Variants in PIP5K1B observed in about 807,000 individuals in gnomAD.
The protein encoded by PIP5K1B is phosphatidylinositol 4-phosphate 5-kinase type-1 beta.
A neutral mutation model predicts 67.0 loss-of-function variants in PIP5K1B; 42 were observed. That is an observed-to-expected ratio of 0.63 (90% CI 0.49 to 0.81). PIP5K1B has a LOEUF of 0.81. Among genes scored for constraint, PIP5K1B ranks in the 30% least tolerant of loss-of-function variants. The pLI, the probability that PIP5K1B is intolerant of heterozygous loss-of-function variation, is 0.00. For synonymous variants in PIP5K1B, 214 were observed against 231.4 expected (o/e 0.92, Z 0.68); for missense variants, 459 against 646.3 (o/e 0.71, Z 3.14).
At position 68,889,051 on chromosome 9, in the gene PIP5K1B, C is replaced by T. The variant is rs1312978266; in HGVS notation, c.389C>T (p.Thr130Ile). ...GCCAGTGGATCCTTGTTTTTTGTGA[C>T]CAGTGATGATGAATTTATCATCAAA... ...PGASGSLFFVTSDDEFIIKTV... is the reference protein window; with the variant it reads ...PGASGSLFFVISDDEFIIKTV... The change falls in exon 7 of 16, where the codon ACC (threonine) becomes ATC (isoleucine). Residue 130 changes from threonine to isoleucine, a missense_variant. Thr to Ile is a moderately conservative substitution (Grantham distance 89). Around this residue, in one of 2 missense-constraint regions of PIP5K1B, gnomAD observed 290 missense variants for 474.4 expected, o/e 0.61. Coordinates refer to ENST00000265382, the MANE Select transcript of PIP5K1B (RefSeq NM_003558.4). The T allele has an allele frequency of 6.2e-7, 1 of 1,611,964 alleles. No homozygotes were observed. Among genetic ancestry groups the T allele is most frequent in the East Asian group, 2.2e-5 (1 of 44,850 alleles).
chr9:68,715,299 G>T (rs1197648492), intron 1 of PIP5K1B, among the ~76,000 whole-genome samples: 1 of 152,120 alleles, frequency 6.6e-6, no homozygotes, highest in Non-Finnish European at 1.5e-5. Flanking sequence ...CTCCCTTTGT[G>T]CCTGGAGTGA....
chr9:68,780,440 G>C (rs774766314), intron 2 of PIP5K1B: 2 of 1,614,104 alleles, frequency 1.2e-6, no homozygotes, highest in Non-Finnish European at 1.7e-6. Flanking sequence ...AACAAGAAGA[G>C]GGCATGGACT....
At chr9:68,989,610 A>G (rs1830270153) in intron 14 of PIP5K1B, among the ~76,000 whole-genome samples, 1 of 152,070 alleles carries the variant, frequency 6.6e-6, no homozygotes, top group African/African-American at 2.4e-5. Context: ...CAGGTTAAAA[A>G]CATAACTTTG....
chr9:68,867,091 A>G (rs1439953902), intron 5 of PIP5K1B, among the ~76,000 whole-genome samples: 1 of 152,178 alleles, frequency 6.6e-6, no homozygotes. Flanking sequence ...CTTTCTATTC[A>G]TTCAAGCAAC....
intron 11 of PIP5K1B, among the ~76,000 whole-genome samples, chr9:68,920,174 C>T (rs1367949834): frequency 2.0e-5 from 3 of 152,142 alleles, no homozygotes; most frequent in Admixed American, 6.5e-5. Flanking sequence ...TATTTGGCCT[C>T]TTACCCTTGT....
chr9:68,812,590 T>C (rs1461041507), intron 2 of PIP5K1B, among the ~76,000 whole-genome samples: 3 of 152,356 alleles, frequency 2.0e-5, no homozygotes, highest in Middle Eastern at 6.8e-3. Context: ...TAGTAACATC[T>C]TCTAAGGAGA....
At chr9:68,975,891 G>A (rs921810584) in intron 14 of PIP5K1B, among the ~76,000 whole-genome samples, 7 of 152,102 alleles carry the variant, frequency 4.6e-5, no homozygotes, top group Admixed American at 6.5e-5. Context: ...CAGTCATACC[G>A]AAGTAGGACA....
At chr9:68,968,618 A>G (rs1829165588) in intron 14 of PIP5K1B, among the ~76,000 whole-genome samples, 1 of 151,676 alleles carries the variant, frequency 6.6e-6, no homozygotes, top group African/African-American at 2.4e-5. Context: ...CTAGCACATG[A>G]TATTTCAATA....
At chr9:68,711,506 A>T (rs967673992) in intron 1 of PIP5K1B, among the ~76,000 whole-genome samples, 5 of 152,262 alleles carry the variant, frequency 3.3e-5, no homozygotes, top group Non-Finnish European at 7.3e-5. Flanking sequence ...GCAGGTGGTG[A>T]GGATTTAATG....
intron 2 of PIP5K1B, among the ~76,000 whole-genome samples, chr9:68,769,790 C>A (rs1830594984): frequency 6.6e-6 from 1 of 152,158 alleles, no homozygotes; most frequent in African/African-American, 2.4e-5. Context: ...ACTTCCGTGG[C>A]CTGTCAAGGT....
intron 2 of PIP5K1B, among the ~76,000 whole-genome samples, chr9:68,753,814 G>A (rs540080912): frequency 2.0e-5 from 3 of 150,904 alleles, no homozygotes; most frequent in South Asian, 4.2e-4. Flanking sequence ...GTGAGCCACC[G>A]CACACAGCCT....
At chr9:68,991,282 C>T (rs1312625585) in intron 15 of PIP5K1B, 25 bp downstream of exon 15, 1 of 1,224,286 alleles carries the variant, frequency 8.2e-7, no homozygotes, top group African/African-American at 1.5e-5. Flanking sequence ...AGTTTCCTCT[C>T]CTCCACTTCT....
At chr9:68,867,757 A>G (rs902659838) in intron 5 of PIP5K1B, among the ~76,000 whole-genome samples, 1 of 152,154 alleles carries the variant, frequency 6.6e-6, no homozygotes, top group African/African-American at 2.4e-5. Flanking sequence ...CCAAGCCCAT[A>G]TGGGGATGAA....
At chr9:68,822,443 T>C (rs1267309759) in intron 3 of PIP5K1B, 172 bp from the exon 4 acceptor site, 1 of 513,278 alleles carries the variant, frequency 1.9e-6, no homozygotes, top group African/African-American at 2.0e-5. Flanking sequence ...GATTAAGGAA[T>C]GCAGATTTCT....
At chr9:68,890,592 A>G (rs1165399444) in intron 7 of PIP5K1B, among the ~76,000 whole-genome samples, 1 of 152,148 alleles carries the variant, frequency 6.6e-6, no homozygotes, top group Non-Finnish European at 1.5e-5. Context: ...AAGTATAAAA[A>G]TAAAAAATCT....
At chr9:68,837,607 G>GTTTTT (rs57120656) in intron 4 of PIP5K1B, among the ~76,000 whole-genome samples, 2 of 111,866 alleles carry the variant, frequency 1.8e-5, no homozygotes, top group Non-Finnish European at 3.6e-5. Flanking sequence ...CTTACTTTGT[G>GTTTTT]TTTTTTTTTT....
intron 4 of PIP5K1B, among the ~76,000 whole-genome samples, chr9:68,863,467 A>T (rs948743807): frequency 1.3e-5 from 2 of 152,192 alleles, no homozygotes; most frequent in African/African-American, 4.8e-5. Flanking sequence ...CTCCAAGTTA[A>T]CATTACATCA....
chr9:68,979,130 A>G (rs1829772187), intron 14 of PIP5K1B, among the ~76,000 whole-genome samples: 1 of 152,166 alleles, frequency 6.6e-6, no homozygotes, highest in Non-Finnish European at 1.5e-5. Context: ...GTTGCTGGGG[A>G]TAACTTAGAA....
At chr9:68,789,697 A>T in intron 2 of PIP5K1B, 1 of 275,608 alleles carries the variant, frequency 3.6e-6, no homozygotes, top group Non-Finnish European at 7.0e-6. Context: ...CAGGTGAGAA[A>T]GGAAAGCCTT....
Sources: allele counts gnomAD v4.1 joint callset (sites outside exome capture counted in the v4.1 genomes callset), GRCh38; gene constraint gnomAD v4.1.1; regional missense constraint gnomAD v4.1.1; transcripts MANE v1.5; gene names NCBI Gene and HGNC (gene_info 2026-07-23, HGNC 2026-07-21).